SELP: variants seen among roughly 807,000 people sequenced by gnomAD.
SELP encodes selectin P, also known as P-selectin.
In SELP, 92 loss-of-function variants were observed where a neutral mutation model predicts 104.1. The observed-to-expected ratio is 0.88, with a 90% CI of 0.75 to 1.05. The LOEUF is 1.05. SELP is among the 50% of genes least tolerant of loss of function. SELP has a pLI of 0.00. For missense variants in SELP, 1,022 were observed against 1,017.3 expected, an observed-to-expected ratio of 1.00 and a Z score of -0.06; for synonymous variants, 397 against 364.5, an observed-to-expected ratio of 1.09 and a Z score of -1.01.
At chr1:169,608,011 A>G (rs754053755) in intron 8 of SELP, among the ~76,000 whole-genome samples, 2 of 152,084 alleles carry the variant, frequency 1.3e-5, no homozygotes, top group Non-Finnish European at 2.9e-5. Flanking sequence ...ATAATCCCTT[A>G]TGATCCGTTT....
chr1:169,602,035 G>A (rs989013893), intron 10 of SELP, among the ~76,000 whole-genome samples: 6 of 151,992 alleles, frequency 3.9e-5, no homozygotes, highest in Non-Finnish European at 8.8e-5. Flanking sequence ...TAGATACTTT[G>A]CCAGCCAGAT....
At chr1:169,607,393 C>CT (rs1452789941) in intron 8 of SELP, among the ~76,000 whole-genome samples, 2 of 151,968 alleles carry the variant, frequency 1.3e-5, no homozygotes, top group Non-Finnish European at 2.9e-5. Context: ...AGAATTTATG[C>CT]TAAGTATGTA....
chr1:169,608,581 T>C (rs909419552), intron 8 of SELP, among the ~76,000 whole-genome samples: 1 of 152,226 alleles, frequency 6.6e-6, no homozygotes, highest in African/African-American at 2.4e-5. Flanking sequence ...ACTGTAAGTA[T>C]GTGGAATACT....
chr1:169,607,010 T>C lies in SELP; in HGVS notation c.1458A>G (p.Gly486=). 6.2e-7 allele frequency: 1 copy of C among 1,613,728 alleles called. No homozygotes were observed. Among genetic ancestry groups the C allele is most frequent in the Non-Finnish European group, 8.5e-7 (1 of 1,179,840 alleles). The change falls in exon 9 of 17, where the codon GGA becomes GGG. Residue 486 remains glycine, a synonymous_variant. Coordinates refer to ENST00000263686, the MANE Select transcript of SELP (RefSeq NM_003005.4). ...TAGCCAAGCACTGTAGCACACTTGC[T>C]CCCACCAGGAGCAAGCCTTCATTGC... ...FTCNEGLLLV[G]ASVLQCLATG... is the part of the protein sequence containing the mutation.
rs771074353 is a variant in SELP, at chr1:169,617,395, T to C, written c.114A>G (p.Glu38=). The C allele has an allele frequency of 3.7e-6, 6 of 1,613,868 alleles. No individual in the cohort carries two copies. In the African/African-American group the frequency reaches 8.0e-5, roughly 22 times the overall value. Residue 38 remains glutamate (E), a synonymous_variant, in exon 3 of 17, where the codon GAA becomes GAG. Transcript: ENST00000263686. ...ALISELTNQK[E]VAAWTYHYST... Reference sequence around the variant, plus strand: ...TGTAATGATAAGTCCATGCTGCCACTTCTTTCTGGTTTGTTAGTTCTAGAG... The same window carrying C: ...TGTAATGATAAGTCCATGCTGCCACCTCTTTCTGGTTTGTTAGTTCTAGAG...
At position 169,617,332 on chromosome 1, in the gene SELP, G is replaced by A. The variant is rs202070962; in HGVS notation, c.177C>T (p.Tyr59=). The A allele has an allele frequency of 1.4e-5, 23 of 1,613,998 alleles. No homozygotes were observed. Among genetic ancestry groups the A allele is most frequent in the East Asian group, 2.2e-5 (1 of 44,896 alleles). Residue 59 remains tyrosine, a synonymous_variant, in exon 3 of 17, where the codon TAC becomes TAT. Coordinates refer to ENST00000263686, the MANE Select transcript of SELP (RefSeq NM_003005.4). ...KAYSWNISRK[Y]CQNRYTDLVA... is the part of the protein sequence containing the mutation. ...CTAAGTCTGTGTAGCGATTCTGGCAGTATTTACGGGAAATATTCCATGAGT... is the reference window on the plus strand; with the variant it reads ...CTAAGTCTGTGTAGCGATTCTGGCAATATTTACGGGAAATATTCCATGAGT...
chr1:169,611,171 C>T (rs1189079732), intron 7 of SELP, among the ~76,000 whole-genome samples: 1 of 152,292 alleles, frequency 6.6e-6, no homozygotes, highest in Non-Finnish European at 1.5e-5. Context: ...TCTTTAGCCA[C>T]CTTAGCCGCT....
At chr1:169,624,355 C>G (rs1001215425) in intron 1 of SELP, among the ~76,000 whole-genome samples, 1 of 152,200 alleles carries the variant, frequency 6.6e-6, no homozygotes, top group Non-Finnish European at 1.5e-5. Flanking sequence ...GCTGGTTCAA[C>G]TGGAAGTTGC....
At chr1:169,611,143 C>T (rs1662510150) in intron 7 of SELP, among the ~76,000 whole-genome samples, 2 of 152,196 alleles carry the variant, frequency 1.3e-5, no homozygotes, top group Non-Finnish European at 2.9e-5. Context: ...CCCTCAAAGA[C>T]TACATGGTGA....
At position 169,590,218 on chromosome 1, in the gene SELP, A is replaced by G. The variant is rs1661285480; in HGVS notation, c.2439-16T>C. 1.9e-6 allele frequency: 3 copies of G among 1,606,036 alleles called. No homozygotes were observed. The highest frequency in any genetic ancestry group is 1.3e-5 in the African/African-American group (1 of 74,724). On this transcript the variant is annotated splice_polypyrimidine_tract_variant and intron_variant, in intron 15 of 16. Transcript: ENST00000263686. The stretch of plus-strand genomic sequence containing the variant: ...TCCTAGGTGGCTAAAGAACAGAAAC[A>G]CAAGGATGGCAACAATATACTGCTT...
intron 1 of SELP, among the ~76,000 whole-genome samples, chr1:169,625,735 A>G (rs1482778121): frequency 6.6e-6 from 1 of 152,270 alleles, no homozygotes; most frequent in Admixed American, 6.5e-5. Flanking sequence ...TTGGAAAAAT[A>G]CATAATAATT....
At chr1:169,595,227 G>C (rs1661545351) in intron 12 of SELP, among the ~76,000 whole-genome samples, 1 of 152,110 alleles carries the variant, frequency 6.6e-6, no homozygotes, top group Non-Finnish European at 1.5e-5. Context: ...GTGATCAACT[G>C]GCATGTCAGT....
At chr1:169,622,277 G>T (rs1663174788) in intron 1 of SELP, among the ~76,000 whole-genome samples, 1 of 152,172 alleles carries the variant, frequency 6.6e-6, no homozygotes, top group Non-Finnish European at 1.5e-5. Flanking sequence ...TCAGCTTTGA[G>T]GGAGCACCCG....
Position 169,591,437 on chromosome 1 carries a change from C to A in SELP, c.2427G>T (p.Leu809Phe). Residue 809 changes from leucine (L) to phenylalanine (F), a missense_variant, in exon 15 of 17, where the codon TTG becomes TTT. Transcript: ENST00000263686. ...FRQKDDGKCP[L>F]NPHSHLGTYG... is the part of the protein sequence containing the mutation. ...CATTTCTACCTTACCTGTGAGGATTCAAGGGGCATTTCCCATCATCTAAAA... is the reference window on the plus strand; with the variant it reads ...CATTTCTACCTTACCTGTGAGGATTAAAGGGGCATTTCCCATCATCTAAAA... 6.3e-7 allele frequency: 1 copy of A among 1,576,486 alleles called. No homozygotes were observed. The highest frequency in any genetic ancestry group is 1.2e-5 in the South Asian group (1 of 84,252).
chr1:169,620,284 A>T (rs955036283), intron 1 of SELP, among the ~76,000 whole-genome samples: 1 of 152,150 alleles, frequency 6.6e-6, no homozygotes, highest in Admixed American at 6.5e-5. Flanking sequence ...CATGTTGCAC[A>T]TGAAAATACT....
In SELP at chr1:169,613,548, A is replaced by G. The variant is rs777151456; in HGVS notation, c.589+38T>C. 15 of 1,544,362 alleles carry G rather than the reference A, an allele frequency of 9.7e-6. No individual in the cohort carries two copies. In the South Asian group the frequency reaches 1.7e-4, roughly 17 times the overall value. On this transcript the variant is annotated intron_variant, in intron 4 of 16. Transcript: ENST00000263686. ...TTTACTTCTTGGCATCATCTCTAGC[A>G]TAAAACCAAAATAATATCAACAAAA... is the stretch of plus-strand genomic sequence containing the variant.
At chr1:169,604,362 G>C (rs1353570800) in intron 9 of SELP, among the ~76,000 whole-genome samples, 1 of 152,086 alleles carries the variant, frequency 6.6e-6, no homozygotes, top group Non-Finnish European at 1.5e-5. Context: ...CCCTTTGTCA[G>C]ATGAGTAGAT....
intron 7 of SELP, 36 bp from the exon 8 acceptor site, chr1:169,609,725 G>A: frequency 6.4e-7 from 1 of 1,567,848 alleles, no homozygotes; most frequent in Non-Finnish European, 8.7e-7. Flanking sequence ...GCCAGGTAAT[G>A]GAAGGGCCGG....
At chr1:169,598,307 C>A (rs3917793) in intron 10 of SELP, among the ~76,000 whole-genome samples, 12,951 of 152,188 alleles carry the variant, frequency 0.085, 594 homozygotes, top group Middle Eastern at 0.12. Flanking sequence ...GCTATTCTGA[C>A]AACAATACCT....
Sources: allele counts gnomAD v4.1 joint callset (sites outside exome capture counted in the v4.1 genomes callset), GRCh38; gene constraint gnomAD v4.1.1; transcripts MANE v1.5; gene names NCBI Gene and HGNC (gene_info 2026-07-23, HGNC 2026-07-21).